RIN3: variants seen among roughly 807,000 people sequenced by gnomAD.
The protein encoded by RIN3 is RAB5 interacting protein 3.
RIN3 carries 54 observed loss-of-function variants against 76.3 expected under a neutral mutation model. The ratio of observed to expected loss-of-function variants is 0.71; its 90% CI spans 0.57 to 0.89. The LOEUF (loss-of-function observed/expected upper bound fraction) is 0.89, where lower values mean the gene tolerates loss of function less well. Among genes scored for constraint, RIN3 ranks in the 40% least tolerant of loss-of-function variants. RIN3 has a pLI of 0.00. For synonymous variants in RIN3, 576 were observed against 564.0 expected (o/e 1.02, Z -0.30); for missense variants, 1,256 against 1,322.1 (o/e 0.95, Z 0.78).
At chr14:92,678,259 C>T (rs1888543566) in intron 8 of RIN3, among the ~76,000 whole-genome samples, 1 of 151,314 alleles carries the variant, frequency 6.6e-6, no homozygotes, top group Admixed American at 6.6e-5. Context: ...CCTAACCACC[C>T]ACCCATCCAT....
At chr14:92,621,344 T>C (rs1438584932) in intron 4 of RIN3, among the ~76,000 whole-genome samples, 1 of 152,050 alleles carries the variant, frequency 6.6e-6, no homozygotes, top group Admixed American at 6.6e-5. Context: ...TTTTAAGAGA[T>C]TTATTCTGAA....
In RIN3 at chr14:92,688,199, GGC is replaced by G; in HGVS notation, c.2907_2908del (p.Gly970ArgfsTer93). 3 of 1,605,590 alleles carry G rather than the reference GGC, an allele frequency of 1.9e-6. No homozygotes were observed. The highest frequency in any genetic ancestry group is 2.5e-6 in the Non-Finnish European group (3 of 1,176,826). On this transcript the variant is annotated frameshift_variant, in exon 10 of 10. Coordinates refer to ENST00000216487, the MANE Select transcript of RIN3 (RefSeq NM_024832.5). LOFTEE classifies it high-confidence loss of function. ...CCGGCCCCTGGACGGTGGTGGCGGCGGCGGCGGCGGGAGCCCGCCCTGCCTGG... is the reference window on the plus strand; with the variant it reads ...CCGGCCCCTGGACGGTGGTGGCGGCGGGCGGCGGGAGCCCGCCCTGCCTGG... ...VYRPLDGGGGGGGGSPPCLVV... is the reference protein window; with the variant it reads ...VYRPLDGGGGXGGGSPPCLVV...
intron 1 of RIN3, among the ~76,000 whole-genome samples, chr14:92,547,229 A>G (rs1260880576): frequency 0.046 from 1,145 of 25,090 alleles, 338 homozygotes; most frequent in East Asian, 0.21. Flanking sequence ...AAAATAAATT[A>G]TCTTTATTTT....
chr14:92,608,340 C>A (rs1885602927), intron 3 of RIN3, among the ~76,000 whole-genome samples: 1 of 152,054 alleles, frequency 6.6e-6, no homozygotes, highest in African/African-American at 2.4e-5. Flanking sequence ...ATAAGCATTC[C>A]AAAATAAACC....
In RIN3 at chr14:92,656,030, G is replaced by A. The variant is rs1012114986; in HGVS notation, c.2026+2955G>A. Among the ~76,000 whole-genome samples the A allele has an allele frequency of 2.0e-5, 3 of 152,176 alleles. No individual in the cohort carries two copies. The highest frequency in any genetic ancestry group is 4.4e-5 in the Non-Finnish European group (3 of 68,032). On this transcript the variant is annotated intron_variant, in intron 6 of 9. Transcript: ENST00000216487. The surrounding 1 kb of genome is among the most constrained non-coding windows in gnomAD (Gnocchi z 5.2). ...ACTGGATGAGATCATCCGGGTCTGAGGACTGAGCCACAGGCACCGTGCAGA... is the reference window on the plus strand; with the variant it reads ...ACTGGATGAGATCATCCGGGTCTGAAGACTGAGCCACAGGCACCGTGCAGA...
At chr14:92,657,872 G>A (rs1405036037) in intron 6 of RIN3, among the ~76,000 whole-genome samples, 3 of 152,162 alleles carry the variant, frequency 2.0e-5, no homozygotes, top group African/African-American at 4.8e-5. Context: ...AGGGCTGTCC[G>A]GGCCTCTGTT....
intron 3 of RIN3, among the ~76,000 whole-genome samples, chr14:92,591,396 AAAAAG>A (rs1235346678): frequency 1.3e-5 from 2 of 152,174 alleles, no homozygotes; most frequent in African/African-American, 4.8e-5. Context: ...CAGAAGGAGA[AAAAAG>A]AAAGGCACAG....
In RIN3 at chr14:92,641,250, C is replaced by T. The variant is rs1887000062; in HGVS notation, c.453C>T (p.Pro151=). ...CGTGTCTTCACAGAGACTTACTGCC[C>T]TTCACACTGCGGCTACCCCAGGCCA... ...AFYCVSRDLL[P]FTLRLPQAIL... Residue 151 remains proline (P), a synonymous_variant, in exon 5 of 10, where the codon CCC becomes CCT. Transcript: ENST00000216487. The T allele has an allele frequency of 6.2e-7, 1 of 1,613,818 alleles. No homozygotes were observed. Among genetic ancestry groups the T allele is most frequent in the Admixed American group, 1.7e-5 (1 of 60,004 alleles).
chr14:92,623,525 A>T lies in RIN3; in HGVS notation c.440+8046A>T, dbSNP rs1234138379. On this transcript the variant is annotated intron_variant, in intron 4 of 9. Coordinates refer to ENST00000216487, the MANE Select transcript of RIN3 (RefSeq NM_024832.5). The surrounding 1 kb of genome is among the most constrained non-coding windows in gnomAD (Gnocchi z 4.9). The stretch of plus-strand genomic sequence containing the variant: ...GTCTCGGGCTTTGAATCTATCAGGT[A>T]CCCCCTGTGGGACTCCAATTTCATC... Among the ~76,000 whole-genome samples, 1 of 152,048 alleles carries T rather than the reference A, an allele frequency of 6.6e-6. No individual in the cohort carries two copies. Among genetic ancestry groups the T allele is most frequent in the Non-Finnish European group, 1.5e-5 (1 of 68,012 alleles).
At chr14:92,658,791 G>A (rs146868492) in intron 6 of RIN3, among the ~76,000 whole-genome samples, 3 of 152,312 alleles carry the variant, frequency 2.0e-5, no homozygotes, top group East Asian at 3.9e-4. Flanking sequence ...GGGCATTCAG[G>A]CCATCAGCAT....
intron 4 of RIN3, among the ~76,000 whole-genome samples, chr14:92,627,700 A>G (rs1317871467): frequency 1.3e-5 from 2 of 151,942 alleles, no homozygotes; most frequent in Non-Finnish European, 2.9e-5. Context: ...GTGGGGTCCC[A>G]ATCTCTAGCC....
chr14:92,551,943 G>A (rs7141006), intron 1 of RIN3, among the ~76,000 whole-genome samples: 101,547 of 152,056 alleles, frequency 0.67, 34,305 homozygotes, highest in Middle Eastern at 0.75. Flanking sequence ...GCTTTTGCCT[G>A]CCAGTTGGAA....
At chr14:92,561,044 A>AAAAAAAAATATATATATATATAT (rs1555383856) in intron 2 of RIN3, among the ~76,000 whole-genome samples, 1 of 24,398 alleles carries the variant, frequency 4.1e-5, no homozygotes, top group African/African-American at 1.3e-4. Flanking sequence ...AAAAAAAAAA[A>AAAAAAAAATATATATATATATAT]ATATATATAT....
intron 4 of RIN3, among the ~76,000 whole-genome samples, chr14:92,634,068 C>CTTTTT (rs6145445): frequency 9.2e-6 from 1 of 108,142 alleles, no homozygotes; most frequent in African/African-American, 3.2e-5. Context: ...CTAAAAATCC[C>CTTTTT]TTTTTTTTTT....
At chr14:92,650,892 C>T (rs1887391194) in intron 5 of RIN3, 2 of 152,256 alleles carry the variant, frequency 1.3e-5, no homozygotes, top group Non-Finnish European at 2.9e-5. Context: ...CTTGGCTTCC[C>T]CTGACTGGGG....
chr14:92,653,201 G>GT, intron 6 of RIN3, 126 bp downstream of exon 6: 1 of 1,046,264 alleles, frequency 9.6e-7, no homozygotes, highest in Non-Finnish European at 1.3e-6. Flanking sequence ...TCCCTTCCTG[G>GT]GCACCAGGAA....
At position 92,514,064 on chromosome 14, in the gene RIN3, C is replaced by A; in HGVS notation, c.44+88C>A. On this transcript the variant is annotated intron_variant, in intron 1 of 9. Transcript: ENST00000216487. This position sits in a 1 kb window ranked among gnomAD's most constrained non-coding sequence, Gnocchi z 7.2. ...CACTCCACTTCTTGTCCCAGAGAGTCCTTCGGGCGCGTGACCTCGGGGTTG... is the reference window on the plus strand; with the variant it reads ...CACTCCACTTCTTGTCCCAGAGAGTACTTCGGGCGCGTGACCTCGGGGTTG... The A allele has an allele frequency of 1.0e-6, 1 of 953,866 alleles. No homozygotes were observed. The highest frequency in any genetic ancestry group is 1.4e-6 in the Non-Finnish European group (1 of 732,778). The allele number at this position is 953,866 out of a possible 1,614,324, so 59.1% of individuals were successfully genotyped here. A position where few individuals can be genotyped will look rare whatever the true frequency, so the allele number is the denominator to read the frequency against.
chr14:92,565,737 T>C (rs1293208510), intron 2 of RIN3, among the ~76,000 whole-genome samples: 1 of 152,222 alleles, frequency 6.6e-6, no homozygotes, highest in Non-Finnish European at 1.5e-5. Flanking sequence ...AGAGGCCACT[T>C]TCATTGCCAT....
At chr14:92,603,951 G>A (rs751558781) in intron 3 of RIN3, among the ~76,000 whole-genome samples, 7 of 152,218 alleles carry the variant, frequency 4.6e-5, no homozygotes, top group Non-Finnish European at 8.8e-5. Context: ...CGTGCCTTTG[G>A]ATAGTAAGCC....
Sources: allele counts gnomAD v4.1 joint callset (sites outside exome capture counted in the v4.1 genomes callset), GRCh38; gene constraint gnomAD v4.1.1; non-coding constraint Gnocchi (gnomAD v3.1); transcripts MANE v1.5; gene names NCBI Gene and HGNC (gene_info 2026-07-23, HGNC 2026-07-21).